PRKN: variants seen among roughly 807,000 people sequenced by gnomAD.
PRKN encodes the protein E3 ubiquitin-protein ligase parkin.
A neutral mutation model predicts 59.5 loss-of-function variants in PRKN; 56 were observed. That is an observed-to-expected ratio of 0.94 (90% CI 0.76 to 1.18). PRKN has a LOEUF of 1.18. PRKN is among the 50% of genes most tolerant of loss of function. The probability of loss-of-function intolerance (pLI) is 0.00; values close to 1 mark genes in which losing one functional copy is unlikely to be tolerated. For missense variants in PRKN, 657 were observed against 596.4 expected (o/e 1.10, Z -1.06); for synonymous variants, 250 against 222.1 (o/e 1.13, Z -1.12).
intron 2 of PRKN, among the ~76,000 whole-genome samples, chr6:162,436,541 A>G (rs1201448359): frequency 6.6e-6 from 1 of 151,742 alleles, no homozygotes; most frequent in Non-Finnish European, 1.5e-5. Context: ...CGAACTCCTG[A>G]CCTCGTGATC....
At chr6:162,052,095 A>G (rs904705422) in intron 5 of PRKN, among the ~76,000 whole-genome samples, 1 of 152,182 alleles carries the variant, frequency 6.6e-6, no homozygotes, top group Admixed American at 6.5e-5. Flanking sequence ...CTGTATTATC[A>G]AACTCTATCC....
At position 161,750,867 on chromosome 6, in the gene PRKN, G is replaced by A. The variant is rs189222973; in HGVS notation, c.871+34905C>T. The stretch of plus-strand genomic sequence containing the variant: ...GACCATCATAGAGCAAGCAGATAAG[G>A]CTCTAGGTACAACAAATATATAATT... On this transcript the variant is annotated intron_variant, in intron 7 of 11. Transcript: ENST00000366898. Among the ~76,000 whole-genome samples the A allele has an allele frequency of 3.4e-3, 517 of 152,000 alleles. 4 individuals are homozygous for A. Among genetic ancestry groups the A allele is most frequent in the Non-Finnish European group, 2.1e-3 (143 of 67,986 alleles).
At chr6:161,904,464 T>C (rs1298964930) in intron 6 of PRKN, among the ~76,000 whole-genome samples, 3 of 151,732 alleles carry the variant, frequency 2.0e-5, no homozygotes, top group South Asian at 2.1e-4. Flanking sequence ...CACAGGCGCC[T>C]GCCACCACGC....
chr6:162,014,644 A>G (rs972120435), intron 5 of PRKN, among the ~76,000 whole-genome samples: 2 of 151,964 alleles, frequency 1.3e-5, no homozygotes, highest in Non-Finnish European at 2.9e-5. Context: ...CTCCCTATAC[A>G]CTGCAGTGAG....
intron 1 of PRKN, among the ~76,000 whole-genome samples, chr6:162,579,010 T>C (rs1337210967): frequency 6.6e-6 from 1 of 152,208 alleles, no homozygotes; most frequent in Non-Finnish European, 1.5e-5. Flanking sequence ...TACCCACATA[T>C]GTTTCTTTAG....
At chr6:162,466,252 C>A (rs148386502) in intron 1 of PRKN, among the ~76,000 whole-genome samples, 28 of 152,248 alleles carry the variant, frequency 1.8e-4, no homozygotes, top group Admixed American at 6.5e-4. Flanking sequence ...TTTTTCCTTA[C>A]AACCTGTGTT....
At chr6:161,843,313 T>C (rs939676898) in intron 6 of PRKN, among the ~76,000 whole-genome samples, 3 of 151,440 alleles carry the variant, frequency 2.0e-5, no homozygotes, top group African/African-American at 7.2e-5. Context: ...TCTGTCTCCT[T>C]CTCCATCTTC....
At position 161,525,412 on chromosome 6, in the gene PRKN, C is replaced by G. The variant is rs1181966009; in HGVS notation, c.1083+23442G>C. On this transcript the variant is annotated intron_variant, in intron 9 of 11. Transcript: ENST00000366898. The surrounding 1 kb of genome is among the most constrained non-coding windows in gnomAD (Gnocchi z 4.7). ...GAGTAGGCTGCTCTGATCTCTTCTC[C>G]CTGCACTCCAACATCTTGCTTTCAG... Among the ~76,000 whole-genome samples the G allele has an allele frequency of 6.6e-6, 1 of 152,124 alleles. No individual in the cohort carries two copies. The highest frequency in any genetic ancestry group is 2.4e-5 in the African/African-American group (1 of 41,418).
At chr6:162,360,197 CA>C (rs1785073757) in intron 2 of PRKN, among the ~76,000 whole-genome samples, 1 of 152,022 alleles carries the variant, frequency 6.6e-6, no homozygotes, top group Admixed American at 6.6e-5. Context: ...AAAAATAACA[CA>C]AACAGAAAGT....
chr6:161,439,251 T>G (rs766252560), intron 9 of PRKN, among the ~76,000 whole-genome samples: 10 of 152,104 alleles, frequency 6.6e-5, no homozygotes, highest in African/African-American at 2.4e-4. Context: ...GCAGATGCGG[T>G]CTCCCAACAA....
chr6:161,515,206 C>G, intron 9 of PRKN, among the ~76,000 whole-genome samples: 2 of 152,208 alleles, frequency 1.3e-5, no homozygotes, highest in Middle Eastern at 6.8e-3. Context: ...ATGCATAGTA[C>G]CAACGAGAAA....
intron 3 of PRKN, among the ~76,000 whole-genome samples, chr6:162,213,800 A>G (rs150342731): frequency 8.0e-6 from 1 of 125,638 alleles, no homozygotes. Context: ...CCAAAAAAAA[A>G]CCATACACAC....
intron 2 of PRKN, among the ~76,000 whole-genome samples, chr6:162,437,096 AAAAT>A (rs1554323722): frequency 1.4e-5 from 2 of 147,576 alleles, no homozygotes; most frequent in African/African-American, 5.0e-5. Context: ...TGTCTCAAAA[AAAAT>A]AAATAAATAA....
chr6:162,724,004 A>G (rs926298009), intron 1 of PRKN, among the ~76,000 whole-genome samples: 3 of 152,206 alleles, frequency 2.0e-5, no homozygotes, highest in Non-Finnish European at 4.4e-5. Context: ...GTGTATTTCA[A>G]TACTGACAAC....
chr6:161,769,702 T>A (rs1262785871), intron 7 of PRKN, among the ~76,000 whole-genome samples: 1 of 152,194 alleles, frequency 6.6e-6, no homozygotes, highest in Non-Finnish European at 1.5e-5. Context: ...ATGCCTAGTT[T>A]ATAATTTCAT....
intron 1 of PRKN, among the ~76,000 whole-genome samples, chr6:162,645,868 C>CTCTCT (rs1554257577): frequency 8.3e-6 from 1 of 121,150 alleles, no homozygotes; most frequent in African/African-American, 3.0e-5. Context: ...TAAACTTTCT[C>CTCTCT]TTTTTTTTTT....
chr6:162,046,395 T>TAA (rs2128283330), intron 5 of PRKN, among the ~76,000 whole-genome samples: 1 of 152,324 alleles, frequency 6.6e-6, no homozygotes. Flanking sequence ...TCATCAAGTG[T>TAA]AAAAAACAGC....
chr6:162,147,504 T>C (rs569884715), intron 4 of PRKN, among the ~76,000 whole-genome samples: 1 of 152,102 alleles, frequency 6.6e-6, no homozygotes, highest in African/African-American at 2.4e-5. Context: ...GGATTAGCAA[T>C]GAATGTGACA....
At chr6:162,076,993 G>A (rs750249997) in intron 4 of PRKN, among the ~76,000 whole-genome samples, 16 of 152,066 alleles carry the variant, frequency 1.1e-4, no homozygotes, top group East Asian at 9.7e-4. Context: ...CCACAACGCC[G>A]TCCACACACT....
Sources: allele counts gnomAD v4.1 joint callset (sites outside exome capture counted in the v4.1 genomes callset), GRCh38; gene constraint gnomAD v4.1.1; non-coding constraint Gnocchi (gnomAD v3.1); transcripts MANE v1.5; gene names NCBI Gene and HGNC (gene_info 2026-07-23, HGNC 2026-07-21).